The following CHLSN variants were observed in gnomAD, a reference collection of about 807,000 sequenced individuals.
The protein encoded by CHLSN is protein cholesin.
At chr7:984,384 C>G in the CHLSN span, 87 of 1,542,156 alleles carry the variant, frequency 5.6e-5, 3 homozygotes, top group Middle Eastern at 6.7e-4. Flanking sequence ...GTGAGGGCTG[C>G]CCGGGTGACC....
chr7:1,092,175 C>T, the CHLSN span: 2 of 1,613,434 alleles, frequency 1.2e-6, no homozygotes, highest in Non-Finnish European at 1.7e-6. Flanking sequence ...TCTTCCTCAC[C>T]TGGATGAGCT....
chr7:1,127,332 C>T, the CHLSN span: 1 of 1,609,636 alleles, frequency 6.2e-7, no homozygotes, highest in Admixed American at 1.7e-5. Flanking sequence ...CCTTCTTCAG[C>T]TTTTTGTTCT....
chr7:1,126,582 G>C, the CHLSN span, among the ~76,000 whole-genome samples: 3 of 151,562 alleles, frequency 2.0e-5, no homozygotes, highest in African/African-American at 7.3e-5. Context: ...CTGTGGGGCC[G>C]AGGCAGGAAA....
the CHLSN span, chr7:997,650 C>G: frequency 6.2e-7 from 1 of 1,608,682 alleles, no homozygotes; most frequent in Non-Finnish European, 8.5e-7. Context: ...CAGCACCTGT[C>G]GGATGCGCTG....
At chr7:1,022,995 G>A in the CHLSN span, 1 of 466,886 alleles carries the variant, frequency 2.1e-6, no homozygotes, top group South Asian at 1.5e-5. Context: ...GCACACGTGA[G>A]CTCCTGGAGG....
chr7:1,120,273 A>G, the CHLSN span, among the ~76,000 whole-genome samples: 6 of 152,200 alleles, frequency 3.9e-5, no homozygotes, highest in African/African-American at 1.4e-4. Context: ...TGGAGGAGCC[A>G]GGACCCTCAT....
At chr7:1,088,511 T>A in the CHLSN span, among the ~76,000 whole-genome samples, 1 of 152,102 alleles carries the variant, frequency 6.6e-6, no homozygotes, top group Non-Finnish European at 1.5e-5. This position sits in a 1 kb window ranked among gnomAD's most constrained non-coding sequence, Gnocchi z 4.5. Context: ...TCCGGTGGTC[T>A]CAGCGTGACC....
At chr7:1,131,135 G>T in the CHLSN span, among the ~76,000 whole-genome samples, 1 of 147,462 alleles carries the variant, frequency 6.8e-6, no homozygotes, top group South Asian at 2.1e-4. Context: ...AGGCTGCAGT[G>T]AGCCATGACT....
the CHLSN span, chr7:997,931 G>T: frequency 2.4e-6 from 2 of 827,194 alleles, no homozygotes; most frequent in Non-Finnish European, 3.8e-6. Flanking sequence ...GCGGCCCGAG[G>T]GTGTGGGCGG....
At chr7:1,060,659 G>A in the CHLSN span, among the ~76,000 whole-genome samples, 2 of 152,232 alleles carry the variant, frequency 1.3e-5, no homozygotes, top group East Asian at 1.9e-4. Context: ...CTCCTGCGGG[G>A]AGCTCAGACC....
the CHLSN span, among the ~76,000 whole-genome samples, chr7:1,061,089 G>T: frequency 6.6e-6 from 1 of 152,204 alleles, no homozygotes; most frequent in Middle Eastern, 3.2e-3. Flanking sequence ...GTGGCACTGG[G>T]CTGCCTCTGC....
the CHLSN span, among the ~76,000 whole-genome samples, chr7:989,809 C>T: frequency 1.3e-5 from 2 of 151,992 alleles, no homozygotes; most frequent in African/African-American, 4.8e-5. Context: ...TCGAGCCACA[C>T]AGTGGCACAT....
chr7:1,095,519 C>G, the CHLSN span, among the ~76,000 whole-genome samples: 1 of 152,234 alleles, frequency 6.6e-6, no homozygotes, highest in Non-Finnish European at 1.5e-5. Flanking sequence ...CACACACAGT[C>G]CCGTTCACAT....
chr7:1,085,678 TAA>T, the CHLSN span, among the ~76,000 whole-genome samples: 2,797 of 129,304 alleles, frequency 0.022, 92 homozygotes, highest in East Asian at 0.19. Context: ...ACAAAAAAAT[TAA>T]AAAAAAAAAA....
chr7:1,048,992 T>A, the CHLSN span, among the ~76,000 whole-genome samples: 1 of 152,336 alleles, frequency 6.6e-6, no homozygotes, highest in South Asian at 2.1e-4. Context: ...ATAAAAACCA[T>A]AAAACTGCAA....
chr7:1,116,338 T>G, the CHLSN span, among the ~76,000 whole-genome samples: 1 of 101,598 alleles, frequency 9.8e-6, no homozygotes, highest in Admixed American at 1.1e-4. Context: ...CCAACGCCCA[T>G]GCAGGATGAT....
At chr7:1,119,601 C>T in the CHLSN span, among the ~76,000 whole-genome samples, 18 of 152,226 alleles carry the variant, frequency 1.2e-4, no homozygotes, top group Admixed American at 6.5e-5. Context: ...CTTGGCTGGG[C>T]GCAGTGGCTC....
chr7:1,005,088 A>G, the CHLSN span, among the ~76,000 whole-genome samples: 2 of 152,222 alleles, frequency 1.3e-5, no homozygotes, highest in African/African-American at 2.4e-5. Context: ...TCAGGAGACT[A>G]AGACCATCTT....
the CHLSN span, among the ~76,000 whole-genome samples, chr7:1,009,048 C>CAT: frequency 6.0e-5 from 9 of 150,406 alleles, no homozygotes; most frequent in Admixed American, 3.9e-4. Context: ...CATGCACACA[C>CAT]GTACACGTGC....
Sources: gnomAD v4.1 joint callset for allele counts (sites outside exome capture counted in the v4.1 genomes callset) on GRCh38, gnomAD v4.1.1 for gene constraint, Gnocchi (gnomAD v3.1) non-coding constraint, MANE v1.5 for transcripts, NCBI Gene and HGNC (gene_info 2026-07-23, HGNC 2026-07-21) for gene names.